Variants in VEGFA observed in about 807,000 individuals in gnomAD.
VEGFA encodes the protein vascular endothelial growth factor A, long form.
A neutral mutation model predicts 49.7 loss-of-function variants in VEGFA; 20 were observed. The ratio of observed to expected loss-of-function variants is 0.40; its 90% CI spans 0.28 to 0.58. The LOEUF (loss-of-function observed/expected upper bound fraction) is 0.58, where lower values mean the gene tolerates loss of function less well. Ranked by LOEUF, VEGFA falls within the 20% of genes least tolerant of loss-of-function variation. The probability of loss-of-function intolerance (pLI) is 0.40; values close to 1 mark genes in which losing one functional copy is unlikely to be tolerated. For missense variants in VEGFA, 505 were observed against 553.5 expected, an observed-to-expected ratio of 0.91 and a Z score of 0.88; for synonymous variants, 219 against 223.4, an observed-to-expected ratio of 0.98 and a Z score of 0.18.
chr6:43,774,318 C>G, intron 1 of VEGFA, 23 bp from the exon 2 acceptor site: 1 of 1,613,934 alleles, frequency 6.2e-7, no homozygotes. Context: ...CATGCCCATG[C>G]CTTGCTCTCT....
chr6:43,774,984 C>T (rs957190792), intron 2 of VEGFA: 5 of 167,846 alleles, frequency 3.0e-5, no homozygotes, highest in Non-Finnish European at 5.3e-5. Context: ...AACCCCGAGT[C>T]CGCCTGCCTT....
At chr6:43,772,007 T>C in intron 1 of VEGFA, 1 of 985,218 alleles carries the variant, frequency 1.0e-6, no homozygotes, top group Non-Finnish European at 1.2e-6. Context: ...GCCGGCCGCG[T>C]GTTCCCGGAG....
chr6:43,774,292 C>T (rs2128009909), intron 1 of VEGFA, 49 bp from the exon 2 acceptor site: 4 of 1,601,092 alleles, frequency 2.5e-6, no homozygotes, highest in Non-Finnish European at 3.4e-6. Flanking sequence ...TGGGCCTGTG[C>T]ACCCCAGCCC....
At chr6:43,774,092 G>A (rs2128008797) in intron 1 of VEGFA, 4 of 579,502 alleles carry the variant, frequency 6.9e-6, no homozygotes, top group Non-Finnish European at 9.3e-6. Context: ...CCTGCATTTC[G>A]AGCTCCCCAG....
rs755001841 is a variant in VEGFA, at chr6:43,778,928, C to T, written c.962+10C>T. 22 of 1,614,152 alleles carry T rather than the reference C, an allele frequency of 1.4e-5. No individual in the cohort carries two copies. The highest frequency in any genetic ancestry group is 1.9e-5 in the Non-Finnish European group (22 of 1,180,040). ...GAGCAAGACAAGAAAAGTAAGTGGC[C>T]CTGACTTTAGCACTTCTCCCTCTCC... On this transcript the variant is annotated intron_variant, in intron 5 of 7. Coordinates refer to ENST00000672860, the MANE Select transcript of VEGFA (RefSeq NM_003376.6).
In VEGFA at chr6:43,770,314, T is replaced by C. The variant is rs570659948; in HGVS notation, c.-393T>C. 2.4e-4 allele frequency: 64 copies of C among 271,170 alleles called. No homozygotes were observed. The highest frequency in any genetic ancestry group is 1.3e-3 in the African/African-American group (62 of 46,370). The allele number at this position is 271,170 out of a possible 1,614,324, so 16.8% of individuals were successfully genotyped here. A position where few individuals can be genotyped will look rare whatever the true frequency, so the allele number is the denominator to read the frequency against. On this transcript the variant is annotated 5_prime_UTR_variant, in exon 1 of 8. Transcript: ENST00000672860. ...CGGTTAGGTGGACCGGTCAGCGGAC[T>C]CACCGGCCAGGGCGCTCGGTGCTGG...
Position 43,777,591 on chromosome 6 carries a change from A to T in VEGFA, c.781A>T (p.Met261Leu), listed in dbSNP as rs1357987443. 7 of 1,613,190 alleles carry T rather than the reference A, an allele frequency of 4.3e-6. 1 individual carries two copies. In the Admixed American group the frequency reaches 5.0e-5, roughly 12 times the overall value. The change falls in exon 3 of 8, where the codon ATG becomes TTG. Residue 261 changes from methionine to leucine, a missense_variant. Met to Leu is a conservative substitution (Grantham distance 15). Transcript: ENST00000672860. This position sits in a 1 kb window ranked among gnomAD's most constrained non-coding sequence, Gnocchi z 4.3. ...CTTCAAGCCATCCTGTGTGCCCCTG[A>T]TGCGATGCGGGGGCTGCTGCAATGA... is the stretch of plus-strand genomic sequence containing the variant.
At chr6:43,778,254 A>G in intron 3 of VEGFA, 1 of 636,508 alleles carries the variant, frequency 1.6e-6, no homozygotes, top group Non-Finnish European at 2.9e-6. Flanking sequence ...AAGTGGAACA[A>G]GGGCTCCTTG....
intron 6 of VEGFA, chr6:43,781,223 G>A: frequency 5.2e-6 from 2 of 383,446 alleles, no homozygotes; most frequent in Non-Finnish European, 9.9e-6. Context: ...AAGAAGGGCT[G>A]TGAATGACTG....
At chr6:43,778,021 G>T in intron 3 of VEGFA, 3 of 448,612 alleles carry the variant, frequency 6.7e-6, no homozygotes, top group Non-Finnish European at 8.2e-6. Flanking sequence ...GGTCCATGGA[G>T]AGTTTAAAAA....
Position 43,772,363 on chromosome 6 carries a change from C to CT in VEGFA, c.606+1054dup, listed in dbSNP as rs1251571123. 3.3e-5 allele frequency among the ~76,000 whole-genome samples: 5 copies of CT among 152,364 alleles called. No homozygotes were observed. The East Asian group carries it at 9.6e-4, about 29-fold the overall frequency. On this transcript the variant is annotated intron_variant, in intron 1 of 7. Coordinates refer to ENST00000672860, the MANE Select transcript of VEGFA (RefSeq NM_003376.6). ...TCGTGGCGCGGGAGCCCACTGGGCG[C>CT]TTTGTCACATTCCACCGAAAGTCCC...
Position 43,777,131 on chromosome 6 carries a change from G to T in VEGFA, c.659-338G>T. 1 of 408,644 alleles carries T rather than the reference G, an allele frequency of 2.4e-6. No individual in the cohort carries two copies. Among genetic ancestry groups the T allele is most frequent in the Non-Finnish European group, 4.7e-6 (1 of 214,070 alleles). The allele number at this position is 408,644 out of a possible 1,614,324, so 25.3% of individuals were successfully genotyped here. A position where few individuals can be genotyped will look rare whatever the true frequency, so the allele number is the denominator to read the frequency against. ...GGGAAAGCTTAGAGCATCCCCATGG[G>T]GTATACCCATACTCAGACTGTCCTC... is the stretch of plus-strand genomic sequence containing the variant. On this transcript the variant is annotated intron_variant, in intron 2 of 7. Transcript: ENST00000672860. The surrounding 1 kb of genome is among the most constrained non-coding windows in gnomAD (Gnocchi z 4.3).
At chr6:43,781,149 C>T (rs1041079048) in intron 6 of VEGFA, 7 of 525,524 alleles carry the variant, frequency 1.3e-5, no homozygotes, top group Non-Finnish European at 2.4e-5. Flanking sequence ...CAACTGGTTT[C>T]CATTGCTCTA....
intron 5 of VEGFA, chr6:43,779,713 G>A (rs3025009): frequency 0.62 from 287,797 of 467,790 alleles, 89,389 homozygotes; most frequent in South Asian, 0.68. Context: ...CCAGAGCGAG[G>A]GGATGCGGAA....
At chr6:43,782,163 A>G in intron 7 of VEGFA, 76 bp downstream of exon 7, 1 of 1,569,322 alleles carries the variant, frequency 6.4e-7, no homozygotes, top group Non-Finnish European at 8.6e-7. Context: ...AAAGAGAGTG[A>G]GCGAGCGAGC....
chr6:43,779,674 C>A (rs1346302004), intron 5 of VEGFA: 3 of 468,204 alleles, frequency 6.4e-6, no homozygotes, highest in Non-Finnish European at 1.3e-5. Flanking sequence ...AGGCCTCAAC[C>A]CCTTGCCTCT....
intron 4 of VEGFA, 127 bp from the exon 5 acceptor site, chr6:43,778,762 T>A: frequency 2.7e-6 from 3 of 1,131,528 alleles, no homozygotes; most frequent in East Asian, 4.9e-5. Flanking sequence ...ATGAAAAGAT[T>A]AAAACAGTGT....
chr6:43,784,517 G>A (rs1236916571), intron 7 of VEGFA, 24 bp from the exon 8 acceptor site: 1 of 1,614,040 alleles, frequency 6.2e-7, no homozygotes, highest in Admixed American at 1.7e-5. Context: ...CCTAACCCCA[G>A]CCTTTGTTTT....
chr6:43,778,861 C>T, intron 4 of VEGFA, 28 bp from the exon 5 acceptor site: 1 of 1,614,034 alleles, frequency 6.2e-7, no homozygotes, highest in Non-Finnish European at 8.5e-7. Flanking sequence ...CCCTGTTTTG[C>T]TCTTTTCTCT....
Sources: gnomAD v4.1 joint callset for allele counts (sites outside exome capture counted in the v4.1 genomes callset) on GRCh38, gnomAD v4.1.1 for gene constraint, Gnocchi (gnomAD v3.1) non-coding constraint, MANE v1.5 for transcripts, NCBI Gene and HGNC (gene_info 2026-07-23, HGNC 2026-07-21) for gene names.